The following ADSS1 variants were observed in gnomAD, a reference collection of about 807,000 sequenced individuals.
ADSS1 encodes adenylosuccinate synthetase isozyme 1.
ADSS1 carries 57 observed loss-of-function variants against 59.1 expected under a neutral mutation model. The ratio of observed to expected loss-of-function variants is 0.97; its 90% CI spans 0.78 to 1.20. ADSS1 has a LOEUF of 1.20. Ranked by LOEUF, ADSS1 falls within the 50% of genes most tolerant of loss-of-function variation. The pLI is 0.00. For missense variants in ADSS1, 603 were observed against 610.3 expected, an observed-to-expected ratio of 0.99 and a Z score of 0.13; for synonymous variants, 247 against 249.4, an observed-to-expected ratio of 0.99 and a Z score of 0.09.
chr14:104,725,097 A>T (rs904344415), intron 1 of ADSS1, among the ~76,000 whole-genome samples: 3 of 152,128 alleles, frequency 2.0e-5, no homozygotes, highest in Non-Finnish European at 4.4e-5. Flanking sequence ...GGAGGGCCAC[A>T]GACTTCTGGC....
chr14:104,724,502 C>T (rs940894055), intron 1 of ADSS1, 40 bp downstream of exon 1: 6 of 1,107,594 alleles, frequency 5.4e-6, no homozygotes, highest in African/African-American at 1.7e-5. Context: ...CACCGCCCAG[C>T]GAGCCCCCCT....
At chr14:104,742,624 C>T (rs1891406654) in intron 9 of ADSS1, among the ~76,000 whole-genome samples, 1 of 152,356 alleles carries the variant, frequency 6.6e-6, no homozygotes, top group South Asian at 2.1e-4. Flanking sequence ...GGAAAGCCAA[C>T]ACGGGGAGGG....
At chr14:104,743,730 G>C (rs991583383) in intron 10 of ADSS1, among the ~76,000 whole-genome samples, 1 of 152,254 alleles carries the variant, frequency 6.6e-6, no homozygotes. Flanking sequence ...CCAGGGTTGA[G>C]AGCATCAGCC....
At position 104,739,220 on chromosome 14, in the gene ADSS1, T is replaced by C. The variant is rs145224363; in HGVS notation, c.359-108T>C. ...TGGCCCTGTCAGCCTCCTCCCTGCATGCCTTACCTGGATGGGAGCCGGGCG... is the reference window on the plus strand; with the variant it reads ...TGGCCCTGTCAGCCTCCTCCCTGCACGCCTTACCTGGATGGGAGCCGGGCG... On this transcript the variant is annotated intron_variant, in intron 3 of 12. Transcript: ENST00000330877. 2.3e-5 allele frequency: 28 copies of C among 1,207,074 alleles called. No homozygotes were observed. The African/African-American group carries it at 3.6e-4, about 16-fold the overall frequency. The allele number at this position is 1,207,074 out of a possible 1,614,324, so 74.8% of individuals were successfully genotyped here.
chr14:104,726,604 G>A (rs1890725209), intron 1 of ADSS1, among the ~76,000 whole-genome samples: 1 of 152,206 alleles, frequency 6.6e-6, no homozygotes, highest in African/African-American at 2.4e-5. Context: ...AGAGGGTCTG[G>A]CTGGATCTCC....
chr14:104,731,537 T>A (rs1393903937), intron 1 of ADSS1, among the ~76,000 whole-genome samples: 1 of 151,940 alleles, frequency 6.6e-6, no homozygotes, highest in Non-Finnish European at 1.5e-5. Flanking sequence ...GGACCCTGAG[T>A]GGTGGCTGAA....
At chr14:104,732,917 G>A (rs1284101769) in intron 1 of ADSS1, among the ~76,000 whole-genome samples, 6 of 152,206 alleles carry the variant, frequency 3.9e-5, no homozygotes, top group African/African-American at 1.2e-4. Flanking sequence ...GGGTCTCCAG[G>A]AGGGTGCTGT....
At chr14:104,735,824 C>CT (rs1213391647) in intron 2 of ADSS1, among the ~76,000 whole-genome samples, 1 of 152,232 alleles carries the variant, frequency 6.6e-6, no homozygotes, top group Non-Finnish European at 1.5e-5. Context: ...TCTGTGCACC[C>CT]TGGCCTCAGC....
At position 104,742,267 on chromosome 14, in the gene ADSS1, G is replaced by C. The variant is rs183853066; in HGVS notation, c.948+265G>C. Among the ~76,000 whole-genome samples the C allele has an allele frequency of 2.6e-5, 4 of 152,254 alleles. No homozygotes were observed. In the South Asian group the frequency reaches 8.3e-4, roughly 31 times the overall value. ...ACGTACACGTGACCTCGTTCCCCTC[G>C]GAGTGTGTGAGGCCCACAGGCAAGT... On this transcript the variant is annotated intron_variant, in intron 9 of 12. Transcript: ENST00000330877.
At chr14:104,743,299 A>G (rs1891441807) in intron 10 of ADSS1, 108 bp downstream of exon 10, 2 of 1,505,628 alleles carry the variant, frequency 1.3e-6, no homozygotes, top group Non-Finnish European at 1.8e-6. Flanking sequence ...GTCTCCTTGG[A>G]CAAGGTTTCC....
rs1410120733 is a variant in ADSS1, at chr14:104,741,246, A to G, written c.793+3A>G. 2.5e-6 allele frequency: 4 copies of G among 1,587,958 alleles called. No homozygotes were observed. The highest frequency in any genetic ancestry group is 2.6e-6 in the Non-Finnish European group (3 of 1,167,354). ...CGCCCTCCTCGACATTGACTTCGGT[A>G]TGTCCGGGAGGGTGTGCGTGCCAAC... On this transcript the variant is annotated splice_donor_region_variant and intron_variant, in intron 8 of 12. Transcript: ENST00000330877.
chr14:104,724,764 G>A (rs1335448400), intron 1 of ADSS1, among the ~76,000 whole-genome samples: 1 of 152,082 alleles, frequency 6.6e-6, no homozygotes, highest in Non-Finnish European at 1.5e-5. Flanking sequence ...AGGGGGTGGC[G>A]CATGCCATGG....
At chr14:104,744,355 C>A (rs1323328773) in intron 10 of ADSS1, 1 of 155,448 alleles carries the variant, frequency 6.4e-6, no homozygotes, top group East Asian at 1.9e-4. Context: ...ATCACTTAAT[C>A]TCTCTTTTCC....
At chr14:104,726,401 G>T (rs188970292) in intron 1 of ADSS1, among the ~76,000 whole-genome samples, 7 of 152,362 alleles carry the variant, frequency 4.6e-5, no homozygotes, top group Admixed American at 1.3e-4. Flanking sequence ...GCGCCGCTCT[G>T]CAAGGGAAGG....
intron 2 of ADSS1, chr14:104,737,533 G>C (rs1256585100): frequency 6.6e-6 from 1 of 152,218 alleles, no homozygotes; most frequent in Non-Finnish European, 1.5e-5. Flanking sequence ...TATGAATAGA[G>C]CTGCACATCT....
Position 104,738,283 on chromosome 14 carries a change from C to T in ADSS1, c.296-93C>T, listed in dbSNP as rs1174571606. On this transcript the variant is annotated intron_variant, in intron 2 of 12. Transcript: ENST00000330877. Reference sequence around the variant, plus strand: ...AAAGTGCTAGGATTACAGGCATGAGCCACCGCACCCACCCATTTCATGCTG... The same window carrying T: ...AAAGTGCTAGGATTACAGGCATGAGTCACCGCACCCACCCATTTCATGCTG... 8 of 1,361,114 alleles carry T rather than the reference C, an allele frequency of 5.9e-6. No individual in the cohort carries two copies. The East Asian group carries it at 1.9e-4, about 32-fold the overall frequency. The allele number at this position is 1,361,114 out of a possible 1,614,324, so 84.3% of individuals were successfully genotyped here. A position where few individuals can be genotyped will look rare whatever the true frequency, so the allele number is the denominator to read the frequency against.
intron 1 of ADSS1, among the ~76,000 whole-genome samples, chr14:104,726,783 G>A (rs545264238): frequency 2.6e-5 from 4 of 152,340 alleles, no homozygotes; most frequent in East Asian, 3.9e-4. Flanking sequence ...CAAAGTGCAC[G>A]CCGTGGGCAG....
chr14:104,727,215 C>T (rs1890740518), intron 1 of ADSS1, among the ~76,000 whole-genome samples: 1 of 152,148 alleles, frequency 6.6e-6, no homozygotes, highest in Non-Finnish European at 1.5e-5. Context: ...CTGAGAGTGT[C>T]GTCACCTCCC....
chr14:104,738,658 G>A (rs895403957), intron 3 of ADSS1, among the ~76,000 whole-genome samples: 2 of 152,248 alleles, frequency 1.3e-5, no homozygotes, highest in Non-Finnish European at 2.9e-5. Flanking sequence ...AGCATCACGG[G>A]GCCAGGTAGC....
Sources: allele counts gnomAD v4.1 joint callset (sites outside exome capture counted in the v4.1 genomes callset), GRCh38; gene constraint gnomAD v4.1.1; transcripts MANE v1.5; gene names NCBI Gene and HGNC (gene_info 2026-07-23, HGNC 2026-07-21).